The following NXPH1 variants were observed in gnomAD, a reference collection of about 807,000 sequenced individuals.
NXPH1 encodes neurexophilin 1.
In NXPH1, 5 loss-of-function variants were observed where a neutral mutation model predicts 23.7. That is an observed-to-expected ratio of 0.21 (90% CI 0.11 to 0.44). NXPH1 has a LOEUF of 0.44. NXPH1 is among the 20% of genes least tolerant of loss of function. The pLI, the probability that NXPH1 is intolerant of heterozygous loss-of-function variation, is 0.99. For missense variants in NXPH1, 324 were observed against 321.6 expected, an observed-to-expected ratio of 1.01 and a Z score of -0.06; for synonymous variants, 144 against 122.2, an observed-to-expected ratio of 1.18 and a Z score of -1.18.
chr7:8,510,065 CT>C lies in NXPH1; in HGVS notation c.54+74299del, dbSNP rs138398931. Among the ~76,000 whole-genome samples the C allele has an allele frequency of 4.2e-3, 643 of 152,246 alleles. 7 individuals carry two copies. The highest frequency in any genetic ancestry group is 0.015 in the African/African-American group (624 of 41,570). On this transcript the variant is annotated intron_variant, in intron 2 of 2. Coordinates refer to ENST00000405863, the MANE Select transcript of NXPH1 (RefSeq NM_152745.3). Reference sequence around the variant, plus strand: ...AAGCTTCAGAAGCTTACTGTGCACCCTGACATGCTGACTATTCAAATGGGTC... The same window carrying C: ...AAGCTTCAGAAGCTTACTGTGCACCCGACATGCTGACTATTCAAATGGGTC...
chr7:8,637,028 T>C (rs774968255), intron 2 of NXPH1, among the ~76,000 whole-genome samples: 51 of 152,178 alleles, frequency 3.4e-4, no homozygotes, highest in Non-Finnish European at 6.6e-4. Context: ...GCCCTGTGCA[T>C]GGTACAAAAA....
intron 2 of NXPH1, among the ~76,000 whole-genome samples, chr7:8,684,771 T>G (rs1821119722): frequency 6.6e-6 from 1 of 152,214 alleles, no homozygotes; most frequent in Admixed American, 6.5e-5. Context: ...ATTATATTCC[T>G]CTGGAAACCA....
intron 2 of NXPH1, among the ~76,000 whole-genome samples, chr7:8,604,779 A>G (rs1446971674): frequency 1.3e-5 from 2 of 152,162 alleles, no homozygotes; most frequent in African/African-American, 2.4e-5. Flanking sequence ...ACCAGTTTTG[A>G]GATTTGTGAA....
intron 2 of NXPH1, among the ~76,000 whole-genome samples, chr7:8,702,061 A>G (rs1423796097): frequency 6.6e-6 from 1 of 151,096 alleles, no homozygotes; most frequent in African/African-American, 2.4e-5. Context: ...AGCCCTCCGT[A>G]TTCTAACTTT....
At position 8,435,685 on chromosome 7, in the gene NXPH1, A is replaced by ACCG; in HGVS notation, c.-26_-24dup. 1.2e-6 allele frequency: 2 copies of ACCG among 1,611,106 alleles called. No individual in the cohort carries two copies. Among genetic ancestry groups the ACCG allele is most frequent in the Non-Finnish European group, 1.7e-6 (2 of 1,177,290 alleles). On this transcript the variant is annotated 5_prime_UTR_variant, in exon 2 of 3. Coordinates refer to ENST00000405863, the MANE Select transcript of NXPH1 (RefSeq NM_152745.3). This position sits in a 1 kb window ranked among gnomAD's most constrained non-coding sequence, Gnocchi z 5.9. ...GAAGGAACAAAGACTCAAAGAAGGC[A>ACCG]CCGCCAAGGAAGTTTGAGACGCGGG...
At chr7:8,533,106 G>T (rs1008217250) in intron 2 of NXPH1, among the ~76,000 whole-genome samples, 2 of 152,064 alleles carry the variant, frequency 1.3e-5, no homozygotes, top group African/African-American at 4.8e-5. Context: ...GAAATTAAGT[G>T]ACCTGTTTTA....
At chr7:8,563,902 A>G (rs1011403297) in intron 2 of NXPH1, among the ~76,000 whole-genome samples, 1 of 151,810 alleles carries the variant, frequency 6.6e-6, no homozygotes, top group Non-Finnish European at 1.5e-5. Context: ...TAAAAGAGCA[A>G]AACAAACAGC....
intron 2 of NXPH1, among the ~76,000 whole-genome samples, chr7:8,539,110 T>C (rs946479990): frequency 6.6e-6 from 1 of 151,770 alleles, no homozygotes; most frequent in Non-Finnish European, 1.5e-5. Flanking sequence ...TGACTACCTA[T>C]GTAACCATAA....
intron 2 of NXPH1, among the ~76,000 whole-genome samples, chr7:8,578,419 A>G (rs112609617): frequency 0.016 from 2,450 of 152,324 alleles, 78 homozygotes; most frequent in African/African-American, 0.055. Flanking sequence ...ATAAAGTTCA[A>G]CTATAGCCTC....
intron 2 of NXPH1, among the ~76,000 whole-genome samples, chr7:8,482,307 G>T (rs80114087): frequency 0.051 from 7,823 of 152,220 alleles, 264 homozygotes; most frequent in Non-Finnish European, 0.08. Context: ...AATGAAATGA[G>T]GGTGGCTTCA....
chr7:8,700,435 T>C (rs1329943154), intron 2 of NXPH1, among the ~76,000 whole-genome samples: 1 of 152,154 alleles, frequency 6.6e-6, no homozygotes, highest in Non-Finnish European at 1.5e-5. Context: ...ACAGTTCCTG[T>C]ACTCTATCAT....
chr7:8,737,784 T>A lies in NXPH1; in HGVS notation c.55-13224T>A, dbSNP rs28815249. ...TCAGGTACACCAGTCAAAGGTAGGT[T>A]TGTTTTATTCACACGTTCACATATT... On this transcript the variant is annotated intron_variant, in intron 2 of 2. Coordinates refer to ENST00000405863, the MANE Select transcript of NXPH1 (RefSeq NM_152745.3). 6.6e-3 allele frequency among the ~76,000 whole-genome samples: 999 copies of A among 152,336 alleles called. 12 individuals are homozygous for A. The highest frequency in any genetic ancestry group is 0.023 in the African/African-American group (958 of 41,574).
At chr7:8,599,764 C>T (rs1252159563) in intron 2 of NXPH1, among the ~76,000 whole-genome samples, 1 of 151,184 alleles carries the variant, frequency 6.6e-6, no homozygotes, top group Non-Finnish European at 1.5e-5. Context: ...TGTTTAACCA[C>T]ACTTGTTCAT....
At chr7:8,574,051 A>G (rs1355708427) in intron 2 of NXPH1, among the ~76,000 whole-genome samples, 9 of 152,206 alleles carry the variant, frequency 5.9e-5, no homozygotes. Context: ...TTCTAGCTTA[A>G]TGATGTGCCC....
At chr7:8,579,380 T>C (rs557630044) in intron 2 of NXPH1, among the ~76,000 whole-genome samples, 53 of 151,006 alleles carry the variant, frequency 3.5e-4, no homozygotes, top group African/African-American at 1.2e-3. Context: ...TTTTTTGTTT[T>C]GTTTTTCTGA....
intron 2 of NXPH1, among the ~76,000 whole-genome samples, chr7:8,504,540 A>G (rs756516208): frequency 5.3e-5 from 8 of 152,054 alleles, no homozygotes; most frequent in South Asian, 2.1e-4. Context: ...AGCAGTTTCT[A>G]TCTCTTAGTC....
chr7:8,696,636 T>C (rs1779518457), intron 2 of NXPH1, among the ~76,000 whole-genome samples: 3 of 152,022 alleles, frequency 2.0e-5, no homozygotes, highest in African/African-American at 7.3e-5. Flanking sequence ...AGCAAAAGTC[T>C]TAGGGCTGAA....
intron 2 of NXPH1, among the ~76,000 whole-genome samples, chr7:8,648,329 C>T (rs954187415): frequency 6.6e-6 from 1 of 152,178 alleles, no homozygotes; most frequent in Non-Finnish European, 1.5e-5. Context: ...CTTTCCCAGC[C>T]TCTGGAAACC....
intron 2 of NXPH1, among the ~76,000 whole-genome samples, chr7:8,537,933 C>G (rs923731702): frequency 6.6e-6 from 1 of 151,854 alleles, no homozygotes; most frequent in Admixed American, 6.6e-5. Flanking sequence ...TCAACTCACT[C>G]GTGTGAAAGG....
Sources: allele counts gnomAD v4.1 joint callset (sites outside exome capture counted in the v4.1 genomes callset), GRCh38; gene constraint gnomAD v4.1.1; non-coding constraint Gnocchi (gnomAD v3.1); transcripts MANE v1.5; gene names NCBI Gene and HGNC (gene_info 2026-07-23, HGNC 2026-07-21).